Variants in APBB2 observed in about 807,000 individuals in gnomAD.
APBB2 encodes the protein amyloid beta precursor protein binding family B member 2.
APBB2 carries 38 observed loss-of-function variants against 82.5 expected under a neutral mutation model. That is an observed-to-expected ratio of 0.46 (90% CI 0.36 to 0.60). The LOEUF is 0.60. Ranked by LOEUF, APBB2 falls within the 20% of genes least tolerant of loss-of-function variation. APBB2 has a pLI of 0.00. For synonymous variants in APBB2, 341 were observed against 368.2 expected, an observed-to-expected ratio of 0.93 and a Z score of 0.85; for missense variants, 772 against 972.3, an observed-to-expected ratio of 0.79 and a Z score of 2.74.
chr4:40,956,336 G>A (rs896276404), intron 6 of APBB2, among the ~76,000 whole-genome samples: 2 of 152,258 alleles, frequency 1.3e-5, no homozygotes, highest in East Asian at 3.9e-4. Context: ...AATCTGAGGT[G>A]AAATTGTCTT....
At chr4:40,851,564 T>C (rs1759371324) in intron 12 of APBB2, among the ~76,000 whole-genome samples, 1 of 152,056 alleles carries the variant, frequency 6.6e-6, no homozygotes. Flanking sequence ...CTGCTTGTCC[T>C]CTATCATAAT....
chr4:40,968,663 T>C (rs973822945), intron 6 of APBB2, among the ~76,000 whole-genome samples: 1 of 152,184 alleles, frequency 6.6e-6, no homozygotes, highest in Non-Finnish European at 1.5e-5. Context: ...TACATATCTG[T>C]ATCCCTGTGC....
chr4:40,842,290 C>T (rs1027001766), intron 12 of APBB2: 5 of 417,932 alleles, frequency 1.2e-5, no homozygotes, highest in African/African-American at 2.0e-5. Context: ...GATGGCAATG[C>T]GACATGAAGA....
chr4:40,905,334 C>T (rs181299535), intron 10 of APBB2, among the ~76,000 whole-genome samples: 49 of 152,272 alleles, frequency 3.2e-4, no homozygotes, highest in African/African-American at 1.1e-3. Flanking sequence ...CCAGCGCACA[C>T]GCAATCATAC....
intron 1 of APBB2, among the ~76,000 whole-genome samples, chr4:41,165,764 G>A (rs1341905896): frequency 6.6e-6 from 1 of 152,026 alleles, no homozygotes; most frequent in African/African-American, 2.4e-5. Context: ...GGTACCAGCA[G>A]TCACCAGCTT....
At position 41,032,510 on chromosome 4, in the gene APBB2, G is replaced by A. The variant is rs1474139405; in HGVS notation, c.19+726C>T. Among the ~76,000 whole-genome samples the A allele has an allele frequency of 2.0e-5, 3 of 150,966 alleles. No individual in the cohort carries two copies. The East Asian group carries it at 5.9e-4, about 30-fold the overall frequency. On this transcript the variant is annotated intron_variant, in intron 5 of 17. Transcript: ENST00000508593. The stretch of plus-strand genomic sequence containing the variant: ...GAATACATTCAGTATTGGGGGCGGG[G>A]GGGGTTTCTGTCTAAGCAAACTCTA...
chr4:40,969,336 C>G (rs1294053827), intron 6 of APBB2, among the ~76,000 whole-genome samples: 1 of 152,168 alleles, frequency 6.6e-6, no homozygotes, highest in African/African-American at 2.4e-5. Context: ...AGAAGAAAAT[C>G]TAATGAAAAG....
chr4:41,011,332 C>A (rs1164670078), intron 6 of APBB2, among the ~76,000 whole-genome samples: 1 of 151,776 alleles, frequency 6.6e-6, no homozygotes, highest in East Asian at 1.9e-4. Context: ...AGGCACGCAC[C>A]ACCACACCAA....
At chr4:41,173,152 T>C (rs1768795839) in intron 1 of APBB2, among the ~76,000 whole-genome samples, 1 of 152,170 alleles carries the variant, frequency 6.6e-6, no homozygotes, top group Admixed American at 6.5e-5. Context: ...TTCATTTGCT[T>C]AAAAAACATG....
chr4:40,970,331 T>C (rs7356142), intron 6 of APBB2, among the ~76,000 whole-genome samples: 130,405 of 152,148 alleles, frequency 0.86, 57,112 homozygotes, highest in East Asian at 0.96. Context: ...AAAGACTTCC[T>C]TTCGCATGGC....
At chr4:40,902,329 A>C (rs990797688) in intron 10 of APBB2, among the ~76,000 whole-genome samples, 1 of 152,216 alleles carries the variant, frequency 6.6e-6, no homozygotes, top group African/African-American at 2.4e-5. Flanking sequence ...TTAGCATCAC[A>C]ATCCTCTTTT....
chr4:41,083,941 C>T (rs1045675584), intron 3 of APBB2, among the ~76,000 whole-genome samples: 2 of 151,756 alleles, frequency 1.3e-5, no homozygotes, highest in Non-Finnish European at 2.9e-5. Context: ...ATCATAGCTG[C>T]AAAATGTCAG....
chr4:40,857,154 T>A (rs890870356), intron 12 of APBB2: 1 of 985,326 alleles, frequency 1.0e-6, no homozygotes, highest in African/African-American at 1.7e-5. Context: ...CGGGCTCAAG[T>A]TGAAGAGAGC....
At chr4:41,155,878 C>G (rs1173418220) in intron 1 of APBB2, among the ~76,000 whole-genome samples, 1 of 152,202 alleles carries the variant, frequency 6.6e-6, no homozygotes, top group Admixed American at 6.5e-5. Flanking sequence ...AACTCCAGCT[C>G]TAGCTAGAAA....
intron 2 of APBB2, among the ~76,000 whole-genome samples, chr4:41,137,151 G>A (rs1368539498): frequency 6.6e-6 from 1 of 151,934 alleles, no homozygotes; most frequent in Non-Finnish European, 1.5e-5. Flanking sequence ...CCAAACACAC[G>A]CAAGACATTT....
intron 12 of APBB2, among the ~76,000 whole-genome samples, chr4:40,850,322 T>G (rs527867713): frequency 1.6e-4 from 24 of 152,112 alleles, no homozygotes; most frequent in Non-Finnish European, 3.2e-4. Context: ...CCTGTTATTG[T>G]CCATATTTGA....
chr4:40,901,196 G>A (rs910452085), intron 10 of APBB2, among the ~76,000 whole-genome samples: 6 of 152,182 alleles, frequency 3.9e-5, no homozygotes, highest in Non-Finnish European at 5.9e-5. Context: ...AGGATAACAG[G>A]ATGGACCTCA....
At chr4:41,099,156 G>A (rs907895541) in intron 3 of APBB2, among the ~76,000 whole-genome samples, 1 of 152,126 alleles carries the variant, frequency 6.6e-6, no homozygotes, top group African/African-American at 2.4e-5. Context: ...ACATCCCTCA[G>A]AAATTACATG....
chr4:41,152,267 C>A (rs773352118), intron 1 of APBB2, among the ~76,000 whole-genome samples: 3 of 151,250 alleles, frequency 2.0e-5, no homozygotes, highest in Admixed American at 6.6e-5. Context: ...TCAGATAATT[C>A]TAATATCTAA....
Sources: allele counts gnomAD v4.1 joint callset (sites outside exome capture counted in the v4.1 genomes callset), GRCh38; gene constraint gnomAD v4.1.1; transcripts MANE v1.5; gene names NCBI Gene and HGNC (gene_info 2026-07-23, HGNC 2026-07-21).